Variants in LDB2 observed in about 807,000 individuals in gnomAD.
LDB2 encodes the protein LIM domain-binding protein 2.
Under a neutral mutation model 44.3 loss-of-function variants are expected in LDB2, and 12 were observed. The observed-to-expected ratio is 0.27, with a 90% confidence interval of 0.17 to 0.44. LDB2 has a LOEUF of 0.44. Among genes scored for constraint, LDB2 ranks in the 20% least tolerant of loss-of-function variants. The probability of loss-of-function intolerance (pLI) is 1.00; values close to 1 mark genes in which losing one functional copy is unlikely to be tolerated. For synonymous variants in LDB2, 164 were observed against 174.8 expected, an observed-to-expected ratio of 0.94 and a Z score of 0.49; for missense variants, 344 against 473.5, an observed-to-expected ratio of 0.73 and a Z score of 2.54.
intron 5 of LDB2, among the ~76,000 whole-genome samples, chr4:16,528,122 A>G (rs1204178869): frequency 6.6e-6 from 1 of 152,104 alleles, no homozygotes; most frequent in Non-Finnish European, 1.5e-5. Context: ...AAAACCAAAT[A>G]TTGTATGTTC....
At chr4:16,568,359 T>C (rs966892695) in intron 5 of LDB2, among the ~76,000 whole-genome samples, 2 of 152,216 alleles carry the variant, frequency 1.3e-5, no homozygotes, top group African/African-American at 4.8e-5. Context: ...ATTTGAAATA[T>C]TACTGAAAAC....
intron 5 of LDB2, among the ~76,000 whole-genome samples, chr4:16,532,485 T>G (rs1218123816): frequency 6.6e-6 from 1 of 152,208 alleles, no homozygotes; most frequent in Non-Finnish European, 1.5e-5. Flanking sequence ...TACAAAGGAA[T>G]GATTAATAAG....
intron 1 of LDB2, among the ~76,000 whole-genome samples, chr4:16,789,589 C>T (rs1775252653): frequency 6.6e-6 from 1 of 152,162 alleles, no homozygotes; most frequent in Admixed American, 6.6e-5. Flanking sequence ...TTACTCACTG[C>T]TTACTATGTT....
intron 5 of LDB2, among the ~76,000 whole-genome samples, chr4:16,548,208 G>C (rs1736436544): frequency 6.6e-6 from 1 of 152,122 alleles, no homozygotes; most frequent in African/African-American, 2.4e-5. Context: ...CATGGAGCAG[G>C]TGGCTCTGAA....
intron 5 of LDB2, among the ~76,000 whole-genome samples, chr4:16,565,245 A>C (rs190464549): frequency 6.6e-6 from 1 of 152,318 alleles, no homozygotes; most frequent in African/African-American, 2.4e-5. Flanking sequence ...AACAGTAATG[A>C]TACCTAGTTC....
At chr4:16,579,581 C>A (rs897592736) in intron 5 of LDB2, among the ~76,000 whole-genome samples, 2 of 152,074 alleles carry the variant, frequency 1.3e-5, no homozygotes, top group African/African-American at 4.8e-5. Context: ...GGAATCTGCA[C>A]CCTAGAGAGA....
chr4:16,871,206 G>A lies in LDB2; in HGVS notation c.132+27148C>T, dbSNP rs185506765. On this transcript the variant is annotated intron_variant, in intron 1 of 7. Coordinates refer to ENST00000304523, the MANE Select transcript of LDB2 (RefSeq NM_001290.5). ...TTGGGGTTATTTATGTCTGTTGCAT[G>A]ATGGAAATACTGTATAATGGTGTGT... Among the ~76,000 whole-genome samples the A allele has an allele frequency of 7.2e-5, 11 of 152,308 alleles. No individual in the cohort carries two copies. In the East Asian group the frequency reaches 1.5e-3, roughly 21 times the overall value.
At chr4:16,538,847 C>G (rs1560405433) in intron 5 of LDB2, among the ~76,000 whole-genome samples, 1 of 152,118 alleles carries the variant, frequency 6.6e-6, no homozygotes, top group Non-Finnish European at 1.5e-5. Flanking sequence ...ATCATGACAA[C>G]CCCAAGTAAG....
intron 5 of LDB2, among the ~76,000 whole-genome samples, chr4:16,562,926 T>C (rs1742947080): frequency 6.6e-6 from 1 of 152,094 alleles, no homozygotes. Context: ...GGGACATGGA[T>C]GAAATTGGAA....
chr4:16,783,255 A>G (rs1475416093), intron 1 of LDB2, among the ~76,000 whole-genome samples: 2 of 152,234 alleles, frequency 1.3e-5, no homozygotes, highest in East Asian at 1.9e-4. Context: ...TCCAAGTCAT[A>G]GAAGAGTGAT....
At chr4:16,833,429 T>G (rs1784364197) in intron 1 of LDB2, among the ~76,000 whole-genome samples, 1 of 152,234 alleles carries the variant, frequency 6.6e-6, no homozygotes, top group Non-Finnish European at 1.5e-5. Flanking sequence ...TTGCCTTTTA[T>G]TCCTTCATTC....
At chr4:16,840,352 A>G (rs1380551547) in intron 1 of LDB2, among the ~76,000 whole-genome samples, 2 of 152,212 alleles carry the variant, frequency 1.3e-5, no homozygotes, top group African/African-American at 2.4e-5. Context: ...AAAGATACAT[A>G]TATATATCTT....
Position 16,756,051 on chromosome 4 carries a change from T to C in LDB2, c.235+3107A>G, listed in dbSNP as rs577051725. Among the ~76,000 whole-genome samples, 252 of 152,324 alleles carry C rather than the reference T, an allele frequency of 1.7e-3. 1 individual carries two copies. The highest frequency in any genetic ancestry group is 5.9e-3 in the African/African-American group (247 of 41,578). ...GCACGTGGAGGAAGAGGGTCAATACTGAGGAGCTTTCTGCTTTCTGAATGA... is the reference window on the plus strand; with the variant it reads ...GCACGTGGAGGAAGAGGGTCAATACCGAGGAGCTTTCTGCTTTCTGAATGA... On this transcript the variant is annotated intron_variant, in intron 2 of 7. Transcript: ENST00000304523.
At chr4:16,572,721 T>C (rs918131830) in intron 5 of LDB2, among the ~76,000 whole-genome samples, 7 of 152,194 alleles carry the variant, frequency 4.6e-5, no homozygotes, top group African/African-American at 1.7e-4. Context: ...ACTGCATTAA[T>C]TCCCTTATCA....
At chr4:16,715,008 G>A (rs977541463) in intron 2 of LDB2, among the ~76,000 whole-genome samples, 2 of 152,036 alleles carry the variant, frequency 1.3e-5, no homozygotes, top group East Asian at 3.9e-4. Flanking sequence ...TTTTTTGGGG[G>A]CACAGTCAAC....
intron 7 of LDB2, chr4:16,505,793 AC>A: frequency 6.7e-7 from 1 of 1,494,882 alleles, no homozygotes; most frequent in East Asian, 2.5e-5. Flanking sequence ...ACCAGCTCTC[AC>A]CCATTTCACA....
At chr4:16,842,268 T>G (rs1241860407) in intron 1 of LDB2, among the ~76,000 whole-genome samples, 2 of 152,186 alleles carry the variant, frequency 1.3e-5, no homozygotes, top group Non-Finnish European at 1.5e-5. Context: ...TTCCTGACCT[T>G]GAAGAGGCTT....
intron 1 of LDB2, among the ~76,000 whole-genome samples, chr4:16,806,065 C>T (rs77379450): frequency 0.012 from 1,751 of 152,210 alleles, 47 homozygotes; most frequent in African/African-American, 0.04. Flanking sequence ...ATATTTCCTC[C>T]CAGGGAAACA....
chr4:16,822,425 G>A (rs1479577820), intron 1 of LDB2, among the ~76,000 whole-genome samples: 2 of 152,054 alleles, frequency 1.3e-5, no homozygotes, highest in African/African-American at 4.8e-5. Flanking sequence ...TTTTTTTTAG[G>A]TCTGAGTTTA....
Sources: allele counts gnomAD v4.1 joint callset (sites outside exome capture counted in the v4.1 genomes callset), GRCh38; gene constraint gnomAD v4.1.1; transcripts MANE v1.5; gene names NCBI Gene and HGNC (gene_info 2026-07-23, HGNC 2026-07-21).